DEAF1: variants seen among roughly 807,000 people sequenced by gnomAD.
The protein encoded by DEAF1 is deformed epidermal autoregulatory factor 1 homolog.
Under a neutral mutation model 58.9 loss-of-function variants are expected in DEAF1, and 53 were observed. The observed-to-expected ratio is 0.90, with a 90% confidence interval of 0.72 to 1.13. The LOEUF (loss-of-function observed/expected upper bound fraction) is 1.13, where lower values mean the gene tolerates loss of function less well. Ranked by LOEUF, DEAF1 falls within the 50% of genes most tolerant of loss-of-function variation. The probability of loss-of-function intolerance (pLI) is 0.00; values close to 1 mark genes in which losing one functional copy is unlikely to be tolerated. For missense variants in DEAF1, 685 were observed against 791.4 expected (o/e 0.87, Z 1.61); for synonymous variants, 385 against 340.4 (o/e 1.13, Z -1.44).
intron 5 of DEAF1, among the ~76,000 whole-genome samples, chr11:686,127 TAA>T (rs56327668): frequency 0.41 from 56,143 of 138,154 alleles, 12,051 homozygotes; most frequent in East Asian, 0.57. Flanking sequence ...TACTGAAAAT[TAA>T]AAAAAAAAAA....
At chr11:646,518 C>T (rs543264772) in intron 11 of DEAF1, 2 of 152,348 alleles carry the variant, frequency 1.3e-5, no homozygotes, top group South Asian at 4.1e-4. Context: ...CTAGATGCTT[C>T]CTTCTCTGGT....
intron 10 of DEAF1, among the ~76,000 whole-genome samples, chr11:664,201 G>A (rs1186242839): frequency 2.0e-5 from 3 of 149,732 alleles, no homozygotes; most frequent in African/African-American, 2.5e-5. Flanking sequence ...CAACAAGAGC[G>A]AAACTCTGTC....
chr11:699,082 C>T (rs886202195), upstream of DEAF1: 63 of 658,088 alleles, frequency 9.6e-5, no homozygotes, highest in Admixed American at 1.9e-4. Flanking sequence ...CCATCCCCTA[C>T]CTGCTCAGCC....
intron 10 of DEAF1, chr11:654,689 C>A (rs540696469): frequency 2.2e-6 from 1 of 450,880 alleles, no homozygotes; most frequent in Non-Finnish European, 4.5e-6. Context: ...GGCAACGTTG[C>A]GAAACCCAGT....
intron 1 of DEAF1, among the ~76,000 whole-genome samples, chr11:701,481 G>T (rs1387484856): frequency 1.4e-5 from 2 of 145,262 alleles, no homozygotes; most frequent in Non-Finnish European, 3.0e-5. Flanking sequence ...CGTGAACTTG[G>T]CTCACTGCAA....
intron 11 of DEAF1, among the ~76,000 whole-genome samples, chr11:648,940 C>T (rs548438272): frequency 2.7e-4 from 41 of 152,314 alleles, no homozygotes; most frequent in African/African-American, 8.7e-4. Context: ...AATCCACTCA[C>T]ATTGATAATT....
chr11:698,626 C>T (rs11246269), upstream of DEAF1, among the ~76,000 whole-genome samples: 32,555 of 151,982 alleles, frequency 0.21, 4,008 homozygotes, highest in African/African-American at 0.34. Flanking sequence ...CACCCCGGTG[C>T]CCCCGGTACT....
At chr11:679,173 G>A (rs184343475) in intron 8 of DEAF1, among the ~76,000 whole-genome samples, 16 of 152,074 alleles carry the variant, frequency 1.1e-4, no homozygotes, top group Admixed American at 5.9e-4. Context: ...AAAATTAGCC[G>A]GGCATGGTGG....
chr11:684,411 T>G (rs1375470311), intron 6 of DEAF1, among the ~76,000 whole-genome samples: 2 of 151,178 alleles, frequency 1.3e-5, no homozygotes, highest in Non-Finnish European at 2.9e-5. Context: ...GAATGAGACT[T>G]CGTCTCAGAA....
intron 1 of DEAF1, chr11:703,913 T>G: frequency 8.1e-7 from 1 of 1,241,984 alleles, no homozygotes. Flanking sequence ...CTTTTGCCTT[T>G]TGCACGGAGT....
rs753576994 is a variant in DEAF1 at position 678,710 on chromosome 11, C to T, written c.1239G>A (p.Thr413=). 109 of 1,613,972 alleles carry T rather than the reference C, an allele frequency of 6.8e-5. No homozygotes were observed. In the Admixed American group the frequency reaches 7.2e-4, roughly 11 times the overall value. ...IAPFPEAALP[T]SHPKIVLTSL... ...CAAACCTACCTATTTTGGGATGTGA[C>T]GTTGGCAACGCAGCTTCTGGAAACG... Residue 413 remains threonine (T), a synonymous_variant, in exon 9 of 12, where the codon ACG becomes ACA. Transcript: ENST00000382409.
chr11:683,893 A>G (rs1052429750), intron 6 of DEAF1, among the ~76,000 whole-genome samples: 4 of 152,110 alleles, frequency 2.6e-5, no homozygotes, highest in Non-Finnish European at 4.4e-5. Context: ...CCTGCAAATG[A>G]TCTACCTGCA....
chr11:675,844 T>G (rs911443572), intron 9 of DEAF1, among the ~76,000 whole-genome samples: 2 of 151,460 alleles, frequency 1.3e-5, no homozygotes, highest in African/African-American at 2.4e-5. Flanking sequence ...AAGAAAACTC[T>G]CACGCAATGT....
chr11:674,711 T>A lies in DEAF1; in HGVS notation c.1328A>T (p.Asn443Ile), dbSNP rs373166398. Residue 443 changes from asparagine to isoleucine, a missense_variant, in exon 10 of 12, where the codon AAT becomes ATT. Physicochemically the swap from Asn to Ile is moderately radical, Grantham distance 149. Transcript: ENST00000382409. ...PTKAAPPALV[N>I]GLELSEPRSW... is the part of the protein sequence containing the mutation. ...CCGCGGCTCTGACAGCTCCAGCCCA[T>A]TGACCAACGCGGGAGGTGCCGCTTT... 5 of 1,613,824 alleles carry A rather than the reference T, an allele frequency of 3.1e-6. No homozygotes were observed. The highest frequency in any genetic ancestry group is 4.2e-6 in the Non-Finnish European group (5 of 1,180,040).
intron 6 of DEAF1, among the ~76,000 whole-genome samples, chr11:681,662 G>C (rs554337107): frequency 1.3e-5 from 2 of 151,820 alleles, no homozygotes; most frequent in African/African-American, 4.8e-5. Flanking sequence ...TGCCCACCTC[G>C]GCCTCCCAAA....
intron 6 of DEAF1, among the ~76,000 whole-genome samples, chr11:681,485 A>C (rs1860368484): frequency 6.8e-6 from 1 of 148,018 alleles, no homozygotes; most frequent in African/African-American, 2.5e-5. Context: ...ATCTGGGCTC[A>C]CTGCAAGCTC....
At chr11:666,608 G>A (rs377427644) in intron 10 of DEAF1, 1 of 152,222 alleles carries the variant, frequency 6.6e-6, no homozygotes, top group African/African-American at 2.4e-5. Flanking sequence ...GGGAGGCTGA[G>A]GCAGGAGAAT....
At chr11:705,605 G>A (rs1054726682) in intron 1 of DEAF1, among the ~76,000 whole-genome samples, 2 of 152,146 alleles carry the variant, frequency 1.3e-5, no homozygotes, top group Admixed American at 1.3e-4. Flanking sequence ...GTGAACTCAG[G>A]GCTCCAGGCC....
At chr11:670,092 A>C (rs965530199) in intron 10 of DEAF1, among the ~76,000 whole-genome samples, 1 of 151,984 alleles carries the variant, frequency 6.6e-6, no homozygotes, top group Non-Finnish European at 1.5e-5. Flanking sequence ...AAAAAAAAAA[A>C]AATGAGAGCA....
Sources: gnomAD v4.1 joint callset for allele counts (sites outside exome capture counted in the v4.1 genomes callset) on GRCh38, gnomAD v4.1.1 for gene constraint, MANE v1.5 for transcripts, NCBI Gene and HGNC (gene_info 2026-07-23, HGNC 2026-07-21) for gene names.